The following RNGTT variants were observed in gnomAD, a reference collection of about 807,000 sequenced individuals.
RNGTT encodes the protein RNA guanylyltransferase and 5'-phosphatase.
In RNGTT, 33 loss-of-function variants were observed where a neutral mutation model predicts 79.3. The observed-to-expected ratio is 0.42, with a 90% CI of 0.32 to 0.56. The LOEUF is 0.56. Among genes scored for constraint, RNGTT ranks in the 20% least tolerant of loss-of-function variants. RNGTT has a pLI of 0.17. For synonymous variants in RNGTT, 222 were observed against 235.9 expected (o/e 0.94, Z 0.54); for missense variants, 497 against 739.1 (o/e 0.67, Z 3.80).
At chr6:88,958,748 T>C (rs1486102306) in intron 1 of RNGTT, among the ~76,000 whole-genome samples, 1 of 152,218 alleles carries the variant, frequency 6.6e-6, no homozygotes, top group Non-Finnish European at 1.5e-5. Flanking sequence ...GTAACACTTT[T>C]ACACTGCTGG....
chr6:88,907,158 T>C (rs550178091), intron 4 of RNGTT, among the ~76,000 whole-genome samples: 11 of 152,348 alleles, frequency 7.2e-5, no homozygotes, highest in Non-Finnish European at 1.3e-4. Context: ...TCTTAAACTC[T>C]TTCTCAGAAC....
chr6:88,900,999 G>A (rs1430167639), intron 6 of RNGTT, among the ~76,000 whole-genome samples: 1 of 151,604 alleles, frequency 6.6e-6, no homozygotes, highest in Non-Finnish European at 1.5e-5. Flanking sequence ...AAAATTAGCT[G>A]GGTGTGGTGG....
intron 13 of RNGTT, among the ~76,000 whole-genome samples, chr6:88,700,672 T>C (rs1775915627): frequency 6.6e-6 from 1 of 152,148 alleles, no homozygotes; most frequent in Non-Finnish European, 1.5e-5. Flanking sequence ...GACCTTTCTG[T>C]TCAGGTTGTG....
intron 13 of RNGTT, among the ~76,000 whole-genome samples, chr6:88,715,078 C>T (rs2127809556): frequency 6.6e-6 from 1 of 152,256 alleles, no homozygotes; most frequent in East Asian, 1.9e-4. Flanking sequence ...ATTGTCTCAG[C>T]CCAAAATCTC....
At position 88,844,408 on chromosome 6, in the gene RNGTT, T is replaced by C. The variant is rs1469022937; in HGVS notation, c.1218A>G (p.Glu406=). The change falls in exon 11 of 16, where the codon GAA becomes GAG. Residue 406 remains glutamate (E), a synonymous_variant. Coordinates refer to ENST00000369485, the MANE Select transcript of RNGTT (RefSeq NM_003800.5). ...MKTGLIDKTQ[E]PFSVRNKPFF... ...ACGGCTTATTTCTGACGCTAAATGG[T>C]TCCTGTGTTTTGTCAATGAGCCCAG... is the stretch of plus-strand genomic sequence containing the variant. 6.2e-7 allele frequency: 1 copy of C among 1,614,086 alleles called. No homozygotes were observed. The highest frequency in any genetic ancestry group is 1.7e-5 in the Admixed American group (1 of 60,014).
intron 8 of RNGTT, among the ~76,000 whole-genome samples, chr6:88,881,054 T>TG (rs1782681155): frequency 6.6e-6 from 1 of 152,082 alleles, no homozygotes; most frequent in Non-Finnish European, 1.5e-5. Context: ...TCCCCCCTCC[T>TG]GGGGAAAGCC....
chr6:88,729,704 A>G (rs1777044288), intron 13 of RNGTT, among the ~76,000 whole-genome samples: 1 of 152,212 alleles, frequency 6.6e-6, no homozygotes, highest in South Asian at 2.1e-4. Context: ...TAGACATGAT[A>G]TTAGCAAAAA....
At chr6:88,865,442 AAG>A (rs1363073651) in intron 8 of RNGTT, among the ~76,000 whole-genome samples, 1 of 152,112 alleles carries the variant, frequency 6.6e-6, no homozygotes, top group Non-Finnish European at 1.5e-5. Context: ...ACAGAAGAGA[AAG>A]AGATAAGTGA....
Position 88,610,496 on chromosome 6 carries a change from T to C in RNGTT, c.*2223A>G, listed in dbSNP as rs1009589278. 1.3e-5 allele frequency: 2 copies of C among 152,336 alleles called. No homozygotes were observed. Among genetic ancestry groups the C allele is most frequent in the East Asian group, 3.8e-4 (2 of 5,198 alleles). The allele number at this position is 152,336 out of a possible 1,614,324, so 9.4% of individuals were successfully genotyped here. On this transcript the variant is annotated 3_prime_UTR_variant, in exon 16 of 16. Transcript: ENST00000369485. ...AAACTTCAGTCTCAGAAAATAGTTA[T>C]TGAAGTGAGCTGAGAAGGAGCACAT...
At chr6:88,671,559 C>T (rs1774638841) in intron 14 of RNGTT, among the ~76,000 whole-genome samples, 1 of 152,026 alleles carries the variant, frequency 6.6e-6, no homozygotes, top group Non-Finnish European at 1.5e-5. Context: ...ATGCAATTCC[C>T]ATAAAAATAC....
intron 8 of RNGTT, among the ~76,000 whole-genome samples, chr6:88,880,032 G>A (rs993420745): frequency 1.3e-5 from 2 of 152,118 alleles, no homozygotes. Context: ...TTACTACTAC[G>A]TCCTTCACAG....
chr6:88,912,322 CTGTT>C (rs1199228622), intron 4 of RNGTT, among the ~76,000 whole-genome samples: 1 of 152,068 alleles, frequency 6.6e-6, no homozygotes, highest in Non-Finnish European at 1.5e-5. Context: ...GGCAGGAAGA[CTGTT>C]TGAGCCCTGG....
chr6:88,636,684 T>C (rs1177882983), intron 14 of RNGTT, among the ~76,000 whole-genome samples: 1 of 151,018 alleles, frequency 6.6e-6, no homozygotes, highest in African/African-American at 2.4e-5. Context: ...AAAAAACACA[T>C]TATTAATTAT....
intron 13 of RNGTT, among the ~76,000 whole-genome samples, chr6:88,724,017 G>A (rs977189729): frequency 5.3e-5 from 8 of 152,078 alleles, no homozygotes; most frequent in Non-Finnish European, 7.4e-5. Flanking sequence ...GAGCCACCGC[G>A]CTCAGCCGTG....
intron 11 of RNGTT, among the ~76,000 whole-genome samples, chr6:88,822,852 T>C (rs1780538564): frequency 6.6e-6 from 1 of 152,204 alleles, no homozygotes; most frequent in Non-Finnish European, 1.5e-5. Flanking sequence ...AAGAAGTCTT[T>C]TCAACAAATG....
rs1242834594 is a variant in RNGTT at position 88,689,608 on chromosome 6, A to G, written c.1440-11189T>C. 3.3e-5 allele frequency among the ~76,000 whole-genome samples: 5 copies of G among 151,772 alleles called. No individual in the cohort carries two copies. The East Asian group carries it at 7.7e-4, about 23-fold the overall frequency. ...AGACTCTGTCTCAAAAAAAAAAAAA[A>G]AGTCTATACCAATATAAATAAATTT... On this transcript the variant is annotated intron_variant, in intron 13 of 15. Coordinates refer to ENST00000369485, the MANE Select transcript of RNGTT (RefSeq NM_003800.5).
At chr6:88,740,408 C>T (rs1777445800) in intron 13 of RNGTT, among the ~76,000 whole-genome samples, 1 of 151,930 alleles carries the variant, frequency 6.6e-6, no homozygotes, top group African/African-American at 2.4e-5. Flanking sequence ...GTCCCAGCTA[C>T]TCGAGAGGCT....
chr6:88,878,453 C>A (rs1298747702), intron 8 of RNGTT, among the ~76,000 whole-genome samples: 3 of 152,110 alleles, frequency 2.0e-5, no homozygotes, highest in African/African-American at 4.8e-5. Context: ...GATTTTGCCA[C>A]TATCTACTTA....
intron 13 of RNGTT, among the ~76,000 whole-genome samples, chr6:88,704,086 C>T (rs1013635979): frequency 1.3e-4 from 20 of 151,560 alleles, no homozygotes; most frequent in African/African-American, 4.6e-4. Context: ...GGTGAAACTC[C>T]GACTCTACTA....
Sources: allele counts gnomAD v4.1 joint callset (sites outside exome capture counted in the v4.1 genomes callset), GRCh38; gene constraint gnomAD v4.1.1; transcripts MANE v1.5; gene names NCBI Gene and HGNC (gene_info 2026-07-23, HGNC 2026-07-21).